Variants in FHIT observed in about 807,000 individuals in gnomAD.
The protein encoded by FHIT is bis(5'-adenosyl)-triphosphatase.
In FHIT, 19 loss-of-function variants were observed where a neutral mutation model predicts 17.9. The ratio of observed to expected loss-of-function variants is 1.06; its 90% CI spans 0.74 to 1.56. The LOEUF (loss-of-function observed/expected upper bound fraction) is 1.56. Among genes scored for constraint, FHIT ranks in the 40% most tolerant of loss-of-function variants. The pLI is 0.00. For missense variants in FHIT, 248 were observed against 189.2 expected, an observed-to-expected ratio of 1.31 and a Z score of -1.82; for synonymous variants, 81 against 69.7, an observed-to-expected ratio of 1.16 and a Z score of -0.81.
At chr3:60,500,771 TAAAAAAAAAAAAA>T (rs71092606) in intron 5 of FHIT, among the ~76,000 whole-genome samples, 1 of 64,864 alleles carries the variant, frequency 1.5e-5, no homozygotes, top group African/African-American at 6.2e-5. Context: ...AGCATCCATC[TAAAAAAAAAAAAA>T]AAAAAAAAAA....
intron 5 of FHIT, among the ~76,000 whole-genome samples, chr3:60,492,956 G>A (rs1046319661): frequency 2.0e-5 from 3 of 152,032 alleles, no homozygotes; most frequent in African/African-American, 4.8e-5. Context: ...TGCTCTGGGC[G>A]AGTAACTCCC....
chr3:60,197,054 G>A (rs144017610), intron 5 of FHIT, among the ~76,000 whole-genome samples: 3 of 152,108 alleles, frequency 2.0e-5, no homozygotes, highest in Admixed American at 2.0e-4. Context: ...TTTTCAAGTC[G>A]GTGTTCCCCA....
intron 4 of FHIT, among the ~76,000 whole-genome samples, chr3:60,676,222 TTATTTTCTTAGC>T (rs2040617942): frequency 6.6e-6 from 1 of 152,166 alleles, no homozygotes; most frequent in African/African-American, 2.4e-5. Context: ...GTGGTATAAT[TTATTTTCTTAGC>T]TTTTTCAATC....
chr3:60,511,895 A>G (rs536785029), intron 5 of FHIT, among the ~76,000 whole-genome samples: 292 of 152,286 alleles, frequency 1.9e-3, no homozygotes, highest in Non-Finnish European at 2.8e-3. Flanking sequence ...TTTAATCAAA[A>G]TGATATAATA....
intron 5 of FHIT, among the ~76,000 whole-genome samples, chr3:60,119,416 T>C (rs1705143353): frequency 6.6e-6 from 1 of 152,180 alleles, no homozygotes; most frequent in Non-Finnish European, 1.5e-5. Context: ...GTTTTTAACA[T>C]AAATAAATGA....
At position 60,171,590 on chromosome 3, in the gene FHIT, C is replaced by A. The variant is rs1049081038; in HGVS notation, c.104-157438G>T. Among the ~76,000 whole-genome samples the A allele has an allele frequency of 2.0e-5, 3 of 152,126 alleles. No individual in the cohort carries two copies. The East Asian group carries it at 5.8e-4, about 29-fold the overall frequency. ...TAAAATTGCCACTTTTCTTTTTTCA[C>A]GATGTAGTATTTGGTGGCTTTTAAA... On this transcript the variant is annotated intron_variant, in intron 5 of 9. Coordinates refer to ENST00000492590, the MANE Select transcript of FHIT (RefSeq NM_002012.4).
chr3:60,113,143 T>C (rs921932568), intron 5 of FHIT, among the ~76,000 whole-genome samples: 2 of 152,228 alleles, frequency 1.3e-5, no homozygotes, highest in Non-Finnish European at 2.9e-5. Flanking sequence ...CTTAATGCAC[T>C]CTGAAATTAT....
intron 3 of FHIT, among the ~76,000 whole-genome samples, chr3:60,994,629 T>C (rs72873061): frequency 0.035 from 5,255 of 152,180 alleles, 215 homozygotes; most frequent in African/African-American, 0.096. Flanking sequence ...TTGGGCACGG[T>C]TGGGAATAAA....
intron 2 of FHIT, among the ~76,000 whole-genome samples, chr3:61,053,078 T>C (rs546626152): frequency 1.1e-4 from 16 of 152,292 alleles, no homozygotes; most frequent in African/African-American, 3.8e-4. Flanking sequence ...AACCAGGGAA[T>C]GAGGACTAGA....
At chr3:60,297,693 G>A (rs13324247) in intron 5 of FHIT, among the ~76,000 whole-genome samples, 68 of 152,000 alleles carry the variant, frequency 4.5e-4, no homozygotes, top group Admixed American at 1.9e-3. Context: ...CAGAACTTGC[G>A]TAGGGGGCAT....
intron 4 of FHIT, among the ~76,000 whole-genome samples, chr3:60,716,669 GATAGTTC>G (rs1166943576): frequency 6.6e-6 from 1 of 152,156 alleles, no homozygotes; most frequent in African/African-American, 2.4e-5. Context: ...AAGCACAGTA[GATAGTTC>G]ATAAACCAGT....
intron 7 of FHIT, among the ~76,000 whole-genome samples, chr3:59,993,972 G>C (rs770541064): frequency 1.4e-4 from 21 of 152,040 alleles, no homozygotes; most frequent in Non-Finnish European, 2.6e-4. Flanking sequence ...TAGGCACTGT[G>C]ATAAGTCCCA....
chr3:60,293,788 T>C (rs1708089542), intron 5 of FHIT, among the ~76,000 whole-genome samples: 1 of 152,194 alleles, frequency 6.6e-6, no homozygotes, highest in Admixed American at 6.5e-5. Flanking sequence ...TCACAAAATG[T>C]ACTTAAAAGT....
chr3:60,878,434 C>T (rs1475172394), intron 3 of FHIT, among the ~76,000 whole-genome samples: 4 of 151,956 alleles, frequency 2.6e-5, no homozygotes, highest in Non-Finnish European at 5.9e-5. Flanking sequence ...AGGAGGACCC[C>T]AAAAGCCCTG....
At chr3:61,091,748 G>C (rs2106814357) in intron 2 of FHIT, among the ~76,000 whole-genome samples, 2 of 151,878 alleles carry the variant, frequency 1.3e-5, no homozygotes, top group Middle Eastern at 6.8e-3. Flanking sequence ...AGGAGTTTGA[G>C]ACGAGCCTGG....
intron 5 of FHIT, among the ~76,000 whole-genome samples, chr3:60,447,732 A>C (rs1334407253): frequency 1.3e-5 from 2 of 152,168 alleles, no homozygotes; most frequent in East Asian, 1.9e-4. Context: ...TGCTGACAGA[A>C]TACCACTCCT....
At chr3:61,205,454 C>G (rs1434193571) in intron 1 of FHIT, among the ~76,000 whole-genome samples, 2 of 152,146 alleles carry the variant, frequency 1.3e-5, no homozygotes, top group Non-Finnish European at 2.9e-5. Context: ...TAAAAGTGTT[C>G]CTATTTCTCC....
chr3:60,528,987 C>T (rs1039948987), intron 5 of FHIT, among the ~76,000 whole-genome samples: 1 of 152,136 alleles, frequency 6.6e-6, no homozygotes, highest in Non-Finnish European at 1.5e-5. Flanking sequence ...TCCTGACCCC[C>T]AAATGCAGGC....
chr3:61,060,105 C>T (rs1365006750), intron 2 of FHIT, among the ~76,000 whole-genome samples: 1 of 152,076 alleles, frequency 6.6e-6, no homozygotes. Context: ...CATCCGAGAC[C>T]CTCAACTGGA....
Sources: gnomAD v4.1 joint callset for allele counts (sites outside exome capture counted in the v4.1 genomes callset) on GRCh38, gnomAD v4.1.1 for gene constraint, MANE v1.5 for transcripts, NCBI Gene and HGNC (gene_info 2026-07-23, HGNC 2026-07-21) for gene names.